The following SRGAP3 variants were observed in gnomAD, a reference collection of about 807,000 sequenced individuals.
SRGAP3 encodes the protein SLIT-ROBO Rho GTPase-activating protein 3.
SRGAP3 carries 39 observed loss-of-function variants against 121.1 expected under a neutral mutation model. The ratio of observed to expected loss-of-function variants is 0.32; its 90% CI spans 0.25 to 0.42. The LOEUF (loss-of-function observed/expected upper bound fraction) is 0.42, where lower values mean the gene tolerates loss of function less well. Among genes scored for constraint, SRGAP3 ranks in the 10% least tolerant of loss-of-function variants. The probability of loss-of-function intolerance (pLI) is 1.00; values close to 1 mark genes in which losing one functional copy is unlikely to be tolerated. For synonymous variants in SRGAP3, 601 were observed against 570.0 expected, an observed-to-expected ratio of 1.05 and a Z score of -0.77; for missense variants, 1,213 against 1,470.6, an observed-to-expected ratio of 0.82 and a Z score of 2.86.
Position 9,099,290 on chromosome 3 carries a change from C to T in SRGAP3, c.423+5390G>A, listed in dbSNP as rs569977484. Among the ~76,000 whole-genome samples, 3 of 152,254 alleles carry T rather than the reference C, an allele frequency of 2.0e-5. No homozygotes were observed. In the East Asian group the frequency reaches 5.8e-4, roughly 29 times the overall value. ...CCTCGCTTCTCTGCAAAGAGTCTTT[C>T]CTCATTAGTGCTTCCTCCCAACACC... On this transcript the variant is annotated intron_variant, in intron 3 of 21. Coordinates refer to ENST00000383836, the MANE Select transcript of SRGAP3 (RefSeq NM_014850.4).
chr3:9,308,600 G>C (rs1375859739), intron 3 of SRGAP3, among the ~76,000 whole-genome samples: 1 of 152,176 alleles, frequency 6.6e-6, no homozygotes, highest in Non-Finnish European at 1.5e-5. Context: ...TATATAGGTG[G>C]AACTTACAGG....
At chr3:9,345,062 T>A (rs1955859581) in intron 1 of SRGAP3, among the ~76,000 whole-genome samples, 1 of 151,660 alleles carries the variant, frequency 6.6e-6, no homozygotes, top group African/African-American at 2.4e-5. Context: ...GGAGGCTACA[T>A]ATTTAAGACT....
chr3:9,200,495 C>G (rs548361721), intron 1 of SRGAP3, among the ~76,000 whole-genome samples: 49 of 152,242 alleles, frequency 3.2e-4, no homozygotes, highest in African/African-American at 1.1e-3. Context: ...ACAAAAGCAC[C>G]TGCAAAATGT....
chr3:9,179,727 TAAC>T (rs1379503061), intron 1 of SRGAP3, among the ~76,000 whole-genome samples: 1 of 152,232 alleles, frequency 6.6e-6, no homozygotes, highest in Non-Finnish European at 1.5e-5. Flanking sequence ...GCATAATAAC[TAAC>T]AACGTCATCT....
At chr3:9,073,383 G>T (rs113664853) in intron 4 of SRGAP3, among the ~76,000 whole-genome samples, 6,113 of 152,324 alleles carry the variant, frequency 0.04, 413 homozygotes, top group African/African-American at 0.14. Context: ...AGGCTCAAGC[G>T]ATCTGCCTGA....
chr3:9,069,764 T>C (rs554480874), intron 4 of SRGAP3, among the ~76,000 whole-genome samples: 8 of 152,066 alleles, frequency 5.3e-5, no homozygotes, highest in Admixed American at 3.9e-4. Context: ...CTGGCCAACA[T>C]AGTGAAACCC....
At position 9,015,744 on chromosome 3, in the gene SRGAP3, A is replaced by G; in HGVS notation, c.1679-13T>C. The G allele has an allele frequency of 1.2e-6, 2 of 1,614,118 alleles. No individual in the cohort carries two copies. Among genetic ancestry groups the G allele is most frequent in the Non-Finnish European group, 1.7e-6 (2 of 1,180,028 alleles). On this transcript the variant is annotated splice_polypyrimidine_tract_variant and intron_variant, in intron 14 of 21. Coordinates refer to ENST00000383836, the MANE Select transcript of SRGAP3 (RefSeq NM_014850.4). ...AGGGGGTCTTCACCTGAGTGGAAAC[A>G]AGAGACGAGATGATATTTCAGCTTG...
intron 1 of SRGAP3, chr3:9,350,149 C>T (rs1303466874): frequency 6.6e-6 from 1 of 152,126 alleles, no homozygotes; most frequent in Non-Finnish European, 1.5e-5. Flanking sequence ...TGAGTGCCAT[C>T]TACTCTATGT....
intron 1 of SRGAP3, among the ~76,000 whole-genome samples, chr3:9,136,527 A>G (rs778172533): frequency 6.6e-6 from 1 of 152,016 alleles, no homozygotes; most frequent in African/African-American, 2.4e-5. Context: ...GGCACCCTGT[A>G]GTCTCTCCCT....
chr3:9,357,875 T>C, intron 1 of SRGAP3, among the ~76,000 whole-genome samples: 1 of 152,030 alleles, frequency 6.6e-6, no homozygotes, highest in Non-Finnish European at 1.5e-5. Context: ...ATTTGAAATT[T>C]TTTTTTTTTT....
In SRGAP3 at chr3:9,064,390, A is replaced by AC. The variant is rs1377255393; in HGVS notation, c.672+5dup. 6.2e-7 allele frequency: 1 copy of AC among 1,610,288 alleles called. No individual in the cohort carries two copies. Among genetic ancestry groups the AC allele is most frequent in the Admixed American group, 1.7e-5 (1 of 59,900 alleles). On this transcript the variant is annotated splice_donor_region_variant and intron_variant, in intron 5 of 21. Coordinates refer to ENST00000383836, the MANE Select transcript of SRGAP3 (RefSeq NM_014850.4). Reference sequence around the variant, plus strand: ...CAATCGCTCCCAGCCCAGGGCCCCCACTCACCTTCTCCTTCATCTTCTCAA... The same window carrying AC: ...CAATCGCTCCCAGCCCAGGGCCCCCACCTCACCTTCTCCTTCATCTTCTCAA...
At chr3:9,156,921 A>G (rs1310542493) in intron 1 of SRGAP3, among the ~76,000 whole-genome samples, 2 of 152,166 alleles carry the variant, frequency 1.3e-5, no homozygotes, top group African/African-American at 4.8e-5. Flanking sequence ...TCATTCCCAA[A>G]TAAGTAAAAA....
rs142650242 is a variant in SRGAP3, at chr3:9,348,587, G to A, written n.214+14253C>T. 199 of 884,050 alleles carry A rather than the reference G, an allele frequency of 2.3e-4. 3 individuals carry two copies. The South Asian group carries it at 2.3e-3, about 10-fold the overall frequency. The allele number at this position is 884,050 out of a possible 1,614,324, so 54.8% of individuals were successfully genotyped here. A position where few individuals can be genotyped will look rare whatever the true frequency, so the allele number is the denominator to read the frequency against. ...TGGCAGGCAGGTGCTGTGAGAAGCC[G>A]GCTGAGTTTGACATCTGCTTCACCT... On this transcript the variant is annotated intron_variant and non_coding_transcript_variant, in intron 1 of 3. Coordinates refer to the SRGAP3 transcript ENST00000490889.
chr3:9,171,200 G>A (rs1004020436), intron 1 of SRGAP3, among the ~76,000 whole-genome samples: 2 of 152,198 alleles, frequency 1.3e-5, no homozygotes, highest in Non-Finnish European at 2.9e-5. Context: ...CTCACTACTG[G>A]AAAAGAATTA....
intron 1 of SRGAP3, among the ~76,000 whole-genome samples, chr3:9,221,480 T>C (rs989234328): frequency 2.0e-5 from 3 of 152,092 alleles, no homozygotes; most frequent in African/African-American, 7.2e-5. Flanking sequence ...AAGACTGCAG[T>C]GAGCTATGAG....
At chr3:9,027,634 G>T (rs536682822) in intron 12 of SRGAP3, among the ~76,000 whole-genome samples, 40 of 152,194 alleles carry the variant, frequency 2.6e-4, no homozygotes, top group Non-Finnish European at 5.0e-4. Flanking sequence ...ACTCTAAAAG[G>T]CTGAAAAAGA....
intron 1 of SRGAP3, among the ~76,000 whole-genome samples, chr3:9,170,050 G>A (rs1308290868): frequency 6.6e-6 from 1 of 152,140 alleles, no homozygotes; most frequent in African/African-American, 2.4e-5. Flanking sequence ...TTGTTAAGAG[G>A]ACAAAATGAA....
At chr3:9,138,103 A>G (rs1949727842) in intron 1 of SRGAP3, among the ~76,000 whole-genome samples, 2 of 152,244 alleles carry the variant, frequency 1.3e-5, no homozygotes, top group South Asian at 4.1e-4. Context: ...TCCCAGAGCT[A>G]AAATAGAAGT....
chr3:9,155,510 G>C (rs879510460), intron 1 of SRGAP3, among the ~76,000 whole-genome samples: 1 of 151,838 alleles, frequency 6.6e-6, no homozygotes, highest in Non-Finnish European at 1.5e-5. Flanking sequence ...TCTTCTTCTG[G>C]AACTCTGCTT....
Sources: allele counts gnomAD v4.1 joint callset (sites outside exome capture counted in the v4.1 genomes callset), GRCh38; gene constraint gnomAD v4.1.1; transcripts MANE v1.5; gene names NCBI Gene and HGNC (gene_info 2026-07-23, HGNC 2026-07-21).